MYRFL: variants seen among roughly 807,000 people sequenced by gnomAD.
MYRFL encodes the protein myelin regulatory factor like.
A neutral mutation model predicts 109.4 loss-of-function variants in MYRFL; 88 were observed. That is an observed-to-expected ratio of 0.80 (90% CI 0.68 to 0.96). The LOEUF (loss-of-function observed/expected upper bound fraction) is 0.96, where lower values mean the gene tolerates loss of function less well. MYRFL is among the 40% of genes least tolerant of loss of function. MYRFL has a pLI of 0.00. For synonymous variants in MYRFL, 324 were observed against 320.9 expected (o/e 1.01, Z -0.10); for missense variants, 957 against 954.9 (o/e 1.00, Z -0.03).
chr12:69,846,320 C>T (rs1267343350), intron 1 of MYRFL, among the ~76,000 whole-genome samples: 1 of 150,864 alleles, frequency 6.6e-6, no homozygotes, highest in Non-Finnish European at 1.5e-5. Flanking sequence ...GGTATATCTC[C>T]TAAAGCTATC....
At chr12:69,859,921 C>G (rs1443974730) in intron 2 of MYRFL, among the ~76,000 whole-genome samples, 1 of 152,090 alleles carries the variant, frequency 6.6e-6, no homozygotes, top group Non-Finnish European at 1.5e-5. Context: ...CACTGCAGCT[C>G]TCTTTTTTTT....
chr12:69,888,047 C>T (rs548572333), intron 6 of MYRFL, among the ~76,000 whole-genome samples: 12 of 152,320 alleles, frequency 7.9e-5, no homozygotes, highest in African/African-American at 2.9e-4. Flanking sequence ...AACTGCTTCC[C>T]AGGCTCTATG....
At chr12:69,870,099 C>CTTTTTTTTTTTT (rs754843682) in intron 2 of MYRFL, among the ~76,000 whole-genome samples, 2 of 81,330 alleles carry the variant, frequency 2.5e-5, no homozygotes, top group African/African-American at 1.0e-4. Context: ...ATTTTTCTTC[C>CTTTTTTTTTTTT]TTTTTTTTTT....
At chr12:69,955,281 G>T in intron 21 of MYRFL, 82 bp from the exon 22 acceptor site, 1 of 481,990 alleles carries the variant, frequency 2.1e-6, no homozygotes, top group South Asian at 4.0e-5. Flanking sequence ...CAGTTTTTAT[G>T]GTATATAATG....
At chr12:69,915,563 T>G (rs1251385675) in intron 13 of MYRFL, among the ~76,000 whole-genome samples, 1 of 152,160 alleles carries the variant, frequency 6.6e-6, no homozygotes, top group East Asian at 1.9e-4. Context: ...GTTGTCAAAG[T>G]TGGTACAAGC....
At chr12:69,954,119 T>C (rs1473610326) in intron 21 of MYRFL, among the ~76,000 whole-genome samples, 2 of 152,198 alleles carry the variant, frequency 1.3e-5, no homozygotes, top group African/African-American at 2.4e-5. Context: ...AGATCACCTA[T>C]AAGTGGCAGA....
At chr12:69,859,019 C>A (rs1223191365) in intron 2 of MYRFL, among the ~76,000 whole-genome samples, 2 of 151,922 alleles carry the variant, frequency 1.3e-5, no homozygotes, top group African/African-American at 4.8e-5. Flanking sequence ...CTGCCTCACT[C>A]AGTTTTTGAT....
At chr12:69,871,398 T>G (rs1885345210) in intron 2 of MYRFL, among the ~76,000 whole-genome samples, 1 of 151,858 alleles carries the variant, frequency 6.6e-6, no homozygotes, top group African/African-American at 2.4e-5. Context: ...CCCGGCTAAT[T>G]TTTGTATTTT....
chr12:69,907,939 C>T (rs11177955), intron 11 of MYRFL, among the ~76,000 whole-genome samples: 13,247 of 152,102 alleles, frequency 0.087, 1,120 homozygotes, highest in East Asian at 0.45. Flanking sequence ...CTGTTCCTTC[C>T]AAGTATGACC....
At chr12:69,905,033 G>A (rs987157987) in intron 11 of MYRFL, among the ~76,000 whole-genome samples, 1 of 152,164 alleles carries the variant, frequency 6.6e-6, no homozygotes, top group Non-Finnish European at 1.5e-5. Flanking sequence ...GAAGAGCTGT[G>A]ACCTACTAGC....
intron 1 of MYRFL, among the ~76,000 whole-genome samples, chr12:69,835,592 A>G (rs991526601): frequency 1.3e-5 from 2 of 152,180 alleles, no homozygotes; most frequent in African/African-American, 4.8e-5. Context: ...TGTGTTCTGT[A>G]TATGTAGTGG....
At chr12:69,935,198 T>A (rs201886515) in intron 16 of MYRFL, among the ~76,000 whole-genome samples, 1 of 151,982 alleles carries the variant, frequency 6.6e-6, no homozygotes, top group Admixed American at 6.5e-5. Context: ...CAGTTTTTTT[T>A]TGTGTATCCT....
chr12:69,953,273 A>G (rs1033597873), intron 21 of MYRFL, among the ~76,000 whole-genome samples: 1 of 152,232 alleles, frequency 6.6e-6, no homozygotes, highest in Non-Finnish European at 1.5e-5. Context: ...TGTATATTTT[A>G]ATAACAAGGG....
intron 1 of MYRFL, among the ~76,000 whole-genome samples, chr12:69,853,906 G>A (rs1398566743): frequency 5.9e-5 from 9 of 151,796 alleles, no homozygotes; most frequent in South Asian, 4.2e-4. Flanking sequence ...CAGACGATGG[G>A]CGGCCAGGCA....
chr12:69,890,703 C>G (rs1283134770), intron 6 of MYRFL, among the ~76,000 whole-genome samples: 1 of 152,056 alleles, frequency 6.6e-6, no homozygotes, highest in African/African-American at 2.4e-5. Flanking sequence ...CTACTGCACT[C>G]CAGCTTAGGG....
At chr12:69,896,818 G>C (rs553316614) in intron 9 of MYRFL, among the ~76,000 whole-genome samples, 1 of 152,332 alleles carries the variant, frequency 6.6e-6, no homozygotes, top group African/African-American at 2.4e-5. Flanking sequence ...CTGCAGCGTA[G>C]AGAGGCCTGT....
chr12:69,857,514 A>C (rs528271610), intron 2 of MYRFL, among the ~76,000 whole-genome samples: 1 of 151,952 alleles, frequency 6.6e-6, no homozygotes, highest in South Asian at 2.1e-4. Flanking sequence ...GAGCCTTCCA[A>C]TCTATGAACA....
intron 10 of MYRFL, among the ~76,000 whole-genome samples, chr12:69,899,042 G>A (rs1954097689): frequency 6.6e-6 from 1 of 152,164 alleles, no homozygotes; most frequent in South Asian, 2.1e-4. Flanking sequence ...CATAGTTTGG[G>A]TGTCATGCTA....
At chr12:69,858,310 G>T (rs1462041919) in intron 2 of MYRFL, among the ~76,000 whole-genome samples, 4 of 151,568 alleles carry the variant, frequency 2.6e-5, no homozygotes, top group South Asian at 4.1e-4. Flanking sequence ...TCACAGTTTT[G>T]TTTTTTTATA....
Sources: allele counts gnomAD v4.1 joint callset (sites outside exome capture counted in the v4.1 genomes callset), GRCh38; gene constraint gnomAD v4.1.1; transcripts MANE v1.5; gene names NCBI Gene and HGNC (gene_info 2026-07-23, HGNC 2026-07-21).